The following PKHD1 variants were observed in gnomAD, a reference collection of about 807,000 sequenced individuals.
PKHD1 encodes PKHD1 ciliary IPT domain containing fibrocystin/polyductin.
Under a neutral mutation model 412.0 loss-of-function variants are expected in PKHD1, and 291 were observed. That is an observed-to-expected ratio of 0.71 (90% CI 0.64 to 0.78). PKHD1 has a LOEUF of 0.78. Among genes scored for constraint, PKHD1 ranks in the 30% least tolerant of loss-of-function variants. PKHD1 has a pLI of 0.00. For missense variants in PKHD1, 4,825 were observed against 4,950.7 expected, an observed-to-expected ratio of 0.97 and a Z score of 0.76; for synonymous variants, 1,777 against 1,821.5, an observed-to-expected ratio of 0.98 and a Z score of 0.62.
intron 55 of PKHD1, among the ~76,000 whole-genome samples, chr6:51,758,013 AAAG>A (rs1787313923): frequency 1.0e-5 from 1 of 99,564 alleles, no homozygotes; most frequent in African/African-American, 3.5e-5. Context: ...GACCCTGCCA[AAAG>A]AGAGAGAGAG....
chr6:51,672,667 A>G (rs1775195350), intron 60 of PKHD1, among the ~76,000 whole-genome samples: 1 of 152,234 alleles, frequency 6.6e-6, no homozygotes, highest in Non-Finnish European at 1.5e-5. Context: ...TGCCAAGGAC[A>G]AAGAGTCATA....
At chr6:51,993,760 A>T (rs1453174451) in intron 35 of PKHD1, among the ~76,000 whole-genome samples, 1 of 152,168 alleles carries the variant, frequency 6.6e-6, no homozygotes, top group Non-Finnish European at 1.5e-5. Context: ...GATGATAGTC[A>T]ATTCGATAGT....
chr6:51,644,146 C>T (rs1769763836), intron 63 of PKHD1, among the ~76,000 whole-genome samples: 1 of 151,832 alleles, frequency 6.6e-6, no homozygotes, highest in Non-Finnish European at 1.5e-5. Flanking sequence ...TTTCTGGAAT[C>T]GATGAGGTGC....
At chr6:51,975,466 G>C (rs1239003475) in intron 35 of PKHD1, among the ~76,000 whole-genome samples, 2 of 151,920 alleles carry the variant, frequency 1.3e-5, no homozygotes, top group African/African-American at 4.8e-5. Flanking sequence ...AACAAAACCT[G>C]ATTTTTAAAG....
chr6:51,640,617 A>T (rs1769221865), intron 63 of PKHD1, among the ~76,000 whole-genome samples: 2 of 152,154 alleles, frequency 1.3e-5, no homozygotes, highest in Admixed American at 1.3e-4. Flanking sequence ...GGAATTGATT[A>T]CACAACTACC....
At chr6:51,971,569 A>G (rs1159101786) in intron 35 of PKHD1, among the ~76,000 whole-genome samples, 3 of 152,176 alleles carry the variant, frequency 2.0e-5, no homozygotes, top group African/African-American at 4.8e-5. Context: ...TAAATACCAC[A>G]AGGACTTCTA....
chr6:51,632,688 C>G lies in PKHD1; in HGVS notation c.11542G>C (p.Val3848Leu), dbSNP rs757953104. ...NFTARSKPFA[V>L]LPVTRKEKST... is the part of the protein sequence containing the mutation. ...TTCTCCTTCCTAGTCACAGGCAAGA[C>G]AGCAAATGGCTTGGATCGAGCTGTA... is the stretch of plus-strand genomic sequence containing the variant. The change falls in exon 65 of 67, where the codon GTC (valine) becomes CTC (leucine). Residue 3848 changes from valine to leucine, a missense_variant. Val to Leu is a conservative substitution (Grantham distance 32). Coordinates refer to ENST00000371117, the MANE Select transcript of PKHD1 (RefSeq NM_138694.4). The G allele has an allele frequency of 6.2e-7, 1 of 1,613,386 alleles. No homozygotes were observed. Among genetic ancestry groups the G allele is most frequent in the African/African-American group, 1.3e-5 (1 of 74,852 alleles).
chr6:51,656,976 A>G (rs1771960648), intron 61 of PKHD1, among the ~76,000 whole-genome samples: 1 of 152,030 alleles, frequency 6.6e-6, no homozygotes, highest in African/African-American at 2.4e-5. Flanking sequence ...AGCTTTTGAA[A>G]GTAGCTAGTA....
At chr6:51,883,887 G>C (rs913097978) in intron 45 of PKHD1, among the ~76,000 whole-genome samples, 2 of 152,154 alleles carry the variant, frequency 1.3e-5, no homozygotes, top group Non-Finnish European at 2.9e-5. Context: ...TTGGGGCTGT[G>C]AGTTCTATCA....
rs758054357 is a variant in PKHD1, at chr6:52,025,633, C to T, written c.4177G>A (p.Ala1393Thr). 2.5e-6 allele frequency: 4 copies of T among 1,614,042 alleles called. No individual in the cohort carries two copies. Among genetic ancestry groups the T allele is most frequent in the Non-Finnish European group, 2.5e-6 (3 of 1,180,036 alleles). The change falls in exon 32 of 67, where the codon GCC (alanine) becomes ACC (threonine). Residue 1393 changes from alanine (A) to threonine (T), a missense_variant. Physicochemically the swap from Ala to Thr is moderately conservative, Grantham distance 58. Transcript: ENST00000371117. ...GCCGAACCCTGCGATGGGAAGATGG[C>T]CATTATCCGAGGCATCACTGCAAAT... is the stretch of plus-strand genomic sequence containing the variant. ...QQFAVMPRIM[A>T]IFPSQGSACG...
At position 52,050,932 on chromosome 6, in the gene PKHD1, T is replaced by A. The variant is rs373563458; in HGVS notation, c.2141-637A>T. On this transcript the variant is annotated intron_variant, in intron 21 of 66. Coordinates refer to ENST00000371117, the MANE Select transcript of PKHD1 (RefSeq NM_138694.4). ...TAGCAATCAATCTGACAAGGAGAGCTTAGTGAGATTTAAGATTTAAAATGA... is the reference window on the plus strand; with the variant it reads ...TAGCAATCAATCTGACAAGGAGAGCATAGTGAGATTTAAGATTTAAAATGA... 1.2e-3 allele frequency among the ~76,000 whole-genome samples: 181 copies of A among 152,308 alleles called. 4 individuals are homozygous for A. In the South Asian group the frequency reaches 0.037, roughly 31 times the overall value.
chr6:52,019,306 T>C (rs958494418), intron 33 of PKHD1, among the ~76,000 whole-genome samples: 2 of 152,190 alleles, frequency 1.3e-5, no homozygotes, highest in Non-Finnish European at 2.9e-5. Context: ...ATGAGATAAG[T>C]ACGTGGGGGA....
chr6:51,867,587 C>G (rs1462253106), intron 48 of PKHD1, among the ~76,000 whole-genome samples: 3 of 152,062 alleles, frequency 2.0e-5, no homozygotes, highest in Non-Finnish European at 2.9e-5. Context: ...GGCTGTAAGT[C>G]TTTCTAAGAA....
intron 60 of PKHD1, among the ~76,000 whole-genome samples, chr6:51,699,290 C>T (rs1779145227): frequency 6.6e-6 from 1 of 152,184 alleles, no homozygotes; most frequent in Non-Finnish European, 1.5e-5. Flanking sequence ...TTTACTGTCT[C>T]TATAGTTTTT....
chr6:51,883,958 C>T (rs960738754), intron 45 of PKHD1, among the ~76,000 whole-genome samples: 3 of 152,164 alleles, frequency 2.0e-5, no homozygotes, highest in African/African-American at 7.2e-5. Context: ...AGAAGGTCCT[C>T]AGAAGATGCT....
chr6:51,787,861 G>T (rs547850885), intron 53 of PKHD1, among the ~76,000 whole-genome samples: 43 of 152,254 alleles, frequency 2.8e-4, no homozygotes, highest in African/African-American at 1.0e-3. Flanking sequence ...ACTGAAAAAA[G>T]AGATCAATCT....
intron 27 of PKHD1, among the ~76,000 whole-genome samples, chr6:52,037,719 T>C (rs1271833453): frequency 6.6e-5 from 10 of 152,232 alleles, no homozygotes; most frequent in Admixed American, 6.5e-5. Flanking sequence ...TAAACACTCA[T>C]ATATGCATTG....
chr6:51,856,013 T>G lies in PKHD1; in HGVS notation c.7791A>C (p.Thr2597=), dbSNP rs2151688677. Residue 2597 remains threonine (T), a synonymous_variant, in exon 49 of 67, where the codon ACA becomes ACC. Coordinates refer to ENST00000371117, the MANE Select transcript of PKHD1 (RefSeq NM_138694.4). The part of the protein sequence containing the change: ...DLTMTDSRNK[T]TTVNYVRDTL... ...TATCACGTACATAATTGACAGTGGT[T>G]GTTTTATTTCTGCTGTCAGTCATGG... The G allele has an allele frequency of 1.9e-6, 3 of 1,608,896 alleles. No homozygotes were observed. Among genetic ancestry groups the G allele is most frequent in the Non-Finnish European group, 2.6e-6 (3 of 1,175,288 alleles).
At chr6:51,760,536 A>C (rs926431873) in intron 55 of PKHD1, among the ~76,000 whole-genome samples, 1 of 152,124 alleles carries the variant, frequency 6.6e-6, no homozygotes, top group Non-Finnish European at 1.5e-5. Context: ...AAGGATAAAT[A>C]GGAAGTTATA....
Sources: gnomAD v4.1 joint callset for allele counts (sites outside exome capture counted in the v4.1 genomes callset) on GRCh38, gnomAD v4.1.1 for gene constraint, MANE v1.5 for transcripts, NCBI Gene and HGNC (gene_info 2026-07-23, HGNC 2026-07-21) for gene names.